RIMS2: variants seen among roughly 807,000 people sequenced by gnomAD.
The protein encoded by RIMS2 is regulating synaptic membrane exocytosis 2, also known as regulating synaptic membrane exocytosis protein 2.
RIMS2 carries 59 observed loss-of-function variants against 174.4 expected under a neutral mutation model. The observed-to-expected ratio is 0.34, with a 90% CI of 0.27 to 0.42. RIMS2 has a LOEUF of 0.42. RIMS2 is among the 10% of genes least tolerant of loss of function. RIMS2 has a pLI of 1.00. For synonymous variants in RIMS2, 606 were observed against 572.5 expected (o/e 1.06, Z -0.84); for missense variants, 1,620 against 1,666.3 (o/e 0.97, Z 0.48).
chr8:103,976,483 G>C (rs1039733948), intron 16 of RIMS2: 5 of 150,962 alleles, frequency 3.3e-5, no homozygotes, highest in Non-Finnish European at 7.4e-5. Flanking sequence ...ATGAAAATCT[G>C]ACTGATATTT....
intron 19 of RIMS2, among the ~76,000 whole-genome samples, chr8:104,205,510 T>TGTGTGTGC (rs777115088): frequency 3.4e-4 from 52 of 152,078 alleles, no homozygotes; most frequent in East Asian, 2.3e-3. Context: ...TGTGTGTGTG[T>TGTGTGTGC]GCGCGCACAT....
chr8:104,043,757 A>G (rs1199038371), intron 19 of RIMS2, among the ~76,000 whole-genome samples: 1 of 151,664 alleles, frequency 6.6e-6, no homozygotes, highest in East Asian at 1.9e-4. Flanking sequence ...TGTTTCAAGG[A>G]GTGAGTTTCC....
At chr8:103,972,522 C>T (rs2092991168) in intron 15 of RIMS2, among the ~76,000 whole-genome samples, 1 of 152,132 alleles carries the variant, frequency 6.6e-6, no homozygotes, top group Admixed American at 6.5e-5. Flanking sequence ...GATTAAATGC[C>T]ACAATGTTTG....
chr8:103,692,871 C>A (rs1229629589), intron 1 of RIMS2, among the ~76,000 whole-genome samples: 1 of 152,308 alleles, frequency 6.6e-6, no homozygotes, highest in African/African-American at 2.4e-5. Context: ...CTCCCTTTGC[C>A]ACCTCAGCTG....
At chr8:103,790,281 C>A (rs1015874427) in intron 3 of RIMS2, among the ~76,000 whole-genome samples, 1 of 152,186 alleles carries the variant, frequency 6.6e-6, no homozygotes, top group Admixed American at 6.5e-5. Flanking sequence ...CCTCAGTCCT[C>A]TGGCAACCAC....
intron 3 of RIMS2, among the ~76,000 whole-genome samples, chr8:103,797,918 C>G (rs765515544): frequency 4.4e-4 from 67 of 152,112 alleles, no homozygotes; most frequent in South Asian, 2.1e-4. Context: ...ACCCTTTTTA[C>G]TCTCAAAAGT....
intron 19 of RIMS2, among the ~76,000 whole-genome samples, chr8:104,039,022 A>G (rs1411528106): frequency 6.6e-6 from 1 of 151,732 alleles, no homozygotes; most frequent in Admixed American, 6.6e-5. Context: ...CTTATTAATC[A>G]TATAAATTTT....
chr8:104,189,685 G>C (rs777552644), intron 19 of RIMS2, among the ~76,000 whole-genome samples: 1 of 148,572 alleles, frequency 6.7e-6, no homozygotes, highest in Non-Finnish European at 1.5e-5. Flanking sequence ...CTATATATAC[G>C]CATTTAAATT....
intron 17 of RIMS2, among the ~76,000 whole-genome samples, chr8:103,997,329 T>C (rs1007118094): frequency 8.6e-5 from 13 of 151,822 alleles, no homozygotes; most frequent in Non-Finnish European, 1.9e-4. Context: ...TCTCTTTTGG[T>C]GCAGAAGACA....
intron 2 of RIMS2, among the ~76,000 whole-genome samples, chr8:103,737,601 TACTC>T (rs756012553): frequency 4.6e-5 from 7 of 152,312 alleles, no homozygotes; most frequent in Non-Finnish European, 1.0e-4. Context: ...CTTACATGCT[TACTC>T]ACGTAACTTC....
intron 17 of RIMS2, among the ~76,000 whole-genome samples, chr8:103,995,719 A>G (rs2095049528): frequency 6.6e-6 from 1 of 152,070 alleles, no homozygotes; most frequent in Admixed American, 6.6e-5. Flanking sequence ...ATGTGATCAG[A>G]AAGCATAATA....
intron 19 of RIMS2, among the ~76,000 whole-genome samples, chr8:104,129,989 C>T (rs1181834889): frequency 6.6e-6 from 1 of 152,158 alleles, no homozygotes; most frequent in Non-Finnish European, 1.5e-5. Flanking sequence ...ACAAACATTT[C>T]TAAATGCAGC....
At chr8:103,918,326 C>A in intron 8 of RIMS2, 115 bp from the exon 12 acceptor site, 1 of 582,518 alleles carries the variant, frequency 1.7e-6, no homozygotes, top group South Asian at 3.0e-5. Context: ...CACTATTATA[C>A]ACAGTTTTCT....
At chr8:104,255,945 C>T (rs2099366862), downstream of RIMS2, 1 of 152,154 alleles carries the variant, frequency 6.6e-6, no homozygotes, top group Admixed American at 6.5e-5. Flanking sequence ...ATTTCCTCAC[C>T]TGGAAAATAT....
intron 16 of RIMS2, among the ~76,000 whole-genome samples, chr8:103,978,136 G>A (rs12156137): frequency 0.05 from 7,648 of 152,242 alleles, 269 homozygotes; most frequent in Non-Finnish European, 0.071. Context: ...AAGAAATTCC[G>A]ATGGTTTTAG....
chr8:103,785,875 A>G (rs2098438658), intron 3 of RIMS2, among the ~76,000 whole-genome samples: 1 of 152,186 alleles, frequency 6.6e-6, no homozygotes, highest in Admixed American at 6.5e-5. Context: ...CTCTGGTAGA[A>G]TTCGGCTGTG....
intron 19 of RIMS2, among the ~76,000 whole-genome samples, chr8:104,042,256 G>C (rs970082570): frequency 9.9e-5 from 15 of 151,600 alleles, no homozygotes; most frequent in Middle Eastern, 3.4e-3. Context: ...CTTTTGTAGA[G>C]AGCATTTCAG....
chr8:104,028,402 AATG>A (rs1405221935), intron 19 of RIMS2, among the ~76,000 whole-genome samples: 2 of 152,184 alleles, frequency 1.3e-5, no homozygotes, highest in African/African-American at 4.8e-5. Flanking sequence ...GGATACATAT[AATG>A]ATCATTTAAG....
At chr8:103,720,529 A>G (rs2097432077) in intron 2 of RIMS2, among the ~76,000 whole-genome samples, 1 of 152,202 alleles carries the variant, frequency 6.6e-6, no homozygotes, top group African/African-American at 2.4e-5. Context: ...ATCATTCTAG[A>G]AACTGAATAT....
Sources: gnomAD v4.1 joint callset for allele counts (sites outside exome capture counted in the v4.1 genomes callset) on GRCh38, gnomAD v4.1.1 for gene constraint, MANE v1.5 for transcripts, NCBI Gene and HGNC (gene_info 2026-07-23, HGNC 2026-07-21) for gene names.